Variants in SERPINB8 observed in about 807,000 individuals in gnomAD.
SERPINB8 encodes the protein serpin B8.
In SERPINB8, 25 loss-of-function variants were observed where a neutral mutation model predicts 35.3. The observed-to-expected ratio is 0.71, with a 90% CI of 0.52 to 0.99. SERPINB8 has a LOEUF of 0.99. Ranked by LOEUF, SERPINB8 falls within the 50% of genes least tolerant of loss-of-function variation. The pLI is 0.00. For synonymous variants in SERPINB8, 186 were observed against 160.8 expected (o/e 1.16, Z -1.19); for missense variants, 484 against 446.5 (o/e 1.08, Z -0.76).
At chr18:63,998,268 GACTCAGGCAAC>G (rs1350522120) in intron 1 of SERPINB8, among the ~76,000 whole-genome samples, 6 of 152,114 alleles carry the variant, frequency 3.9e-5, no homozygotes, top group Non-Finnish European at 7.4e-5. Context: ...GTGTTTCCCT[GACTCAGGCAAC>G]ACTCTTCAGT....
At chr18:63,994,062 C>G (rs1456983979), downstream of SERPINB8, among the ~76,000 whole-genome samples, 2 of 152,084 alleles carry the variant, frequency 1.3e-5, no homozygotes, top group Non-Finnish European at 2.9e-5. Context: ...CCATCCCATC[C>G]CTCCTGTCCC....
chr18:63,972,122 T>C (rs1201755459), intron 1 of SERPINB8, among the ~76,000 whole-genome samples: 1 of 152,176 alleles, frequency 6.6e-6, no homozygotes, highest in Non-Finnish European at 1.5e-5. Context: ...GTTTAATAAC[T>C]GGAATATTGT....
chr18:64,010,621 T>C (rs965121610), downstream of SERPINB8, among the ~76,000 whole-genome samples: 2 of 152,106 alleles, frequency 1.3e-5, no homozygotes, highest in Non-Finnish European at 2.9e-5. Context: ...GTTGTACAGC[T>C]TTGGATGGAA....
chr18:63,983,183 A>G (rs2050698976), intron 4 of SERPINB8, among the ~76,000 whole-genome samples: 1 of 152,158 alleles, frequency 6.6e-6, no homozygotes, highest in South Asian at 2.1e-4. Flanking sequence ...TCTGGCTTAA[A>G]ATGACAATAG....
chr18:63,995,313 C>T (rs1402014676), intron 1 of SERPINB8, among the ~76,000 whole-genome samples: 1 of 152,174 alleles, frequency 6.6e-6, no homozygotes, highest in East Asian at 1.9e-4. Context: ...AAGCCCTAGC[C>T]AATGTCAGAG....
At chr18:63,996,485 CCTTTATG>C (rs1171927523) in intron 1 of SERPINB8, among the ~76,000 whole-genome samples, 39 of 152,178 alleles carry the variant, frequency 2.6e-4, no homozygotes, top group Non-Finnish European at 5.4e-4. Context: ...GATCAACTTG[CCTTTATG>C]TGGAATGGGT....
At chr18:63,975,433 C>T (rs913971041) in intron 1 of SERPINB8, among the ~76,000 whole-genome samples, 4 of 152,124 alleles carry the variant, frequency 2.6e-5, no homozygotes, top group Non-Finnish European at 5.9e-5. Context: ...AGTATAAGCT[C>T]TGGAGAGGTC....
rs2050779400 is a variant in SERPINB8 at position 63,987,464 on chromosome 18, A to G, written c.*186A>G. The G allele has an allele frequency of 1.5e-6, 1 of 648,212 alleles. No homozygotes were observed. Among genetic ancestry groups the G allele is most frequent in the Non-Finnish European group, 2.5e-6 (1 of 394,152 alleles). The allele number at this position is 648,212 out of a possible 1,614,324, so 40.2% of individuals were successfully genotyped here. The stretch of plus-strand genomic sequence containing the variant: ...AATAACTGAGGCCGCAGATGCATGA[A>G]ATTTGGGCCTGGGAAGGCTATGCTG... On this transcript the variant is annotated 3_prime_UTR_variant, in exon 7 of 7. Coordinates refer to ENST00000397985, the MANE Select transcript of SERPINB8 (RefSeq NM_002640.4).
At chr18:63,983,383 G>A (rs1935652213) in intron 4 of SERPINB8, among the ~76,000 whole-genome samples, 196 bp from the exon 5 acceptor site, 1 of 152,130 alleles carries the variant, frequency 6.6e-6, no homozygotes, top group Admixed American at 6.5e-5. Flanking sequence ...CCTACTTCAA[G>A]ATTTTTTTCT....
intron 6 of SERPINB8, chr18:63,986,329 A>T (rs1379932982): frequency 2.5e-6 from 4 of 1,604,146 alleles, no homozygotes; most frequent in Middle Eastern, 1.7e-4. Context: ...GATGCTGATG[A>T]AGTCTTCTTG....
chr18:64,008,512 G>T (rs1278636835), downstream of SERPINB8, among the ~76,000 whole-genome samples: 2 of 151,794 alleles, frequency 1.3e-5, no homozygotes, highest in Non-Finnish European at 2.9e-5. Flanking sequence ...GCCTCCCAAA[G>T]TGCTAGGATT....
intron 1 of SERPINB8, among the ~76,000 whole-genome samples, chr18:63,994,621 A>G (rs1386427515): frequency 1.3e-5 from 2 of 152,098 alleles, no homozygotes; most frequent in African/African-American, 4.8e-5. Flanking sequence ...GCTGGGTACT[A>G]CTTGGGCTCC....
At chr18:63,978,497 G>A in intron 2 of SERPINB8, 21 bp downstream of exon 2, 2 of 1,613,024 alleles carry the variant, frequency 1.2e-6, no homozygotes, top group Non-Finnish European at 1.7e-6. Context: ...TTGTCACAAA[G>A]GAAGGAGAAC....
downstream of SERPINB8, among the ~76,000 whole-genome samples, chr18:64,010,666 T>C (rs1049122499): frequency 2.0e-5 from 3 of 152,098 alleles, no homozygotes; most frequent in African/African-American, 7.2e-5. Flanking sequence ...TAATAACAGC[T>C]ACCAACACAA....
chr18:63,978,586 A>G, intron 2 of SERPINB8, 110 bp downstream of exon 2: 1 of 1,269,580 alleles, frequency 7.9e-7, no homozygotes, highest in East Asian at 2.3e-5. Flanking sequence ...CTGGAGGTAG[A>G]AGGAGGAGCA....
chr18:63,975,355 A>G (rs1277702761), intron 1 of SERPINB8, among the ~76,000 whole-genome samples: 1 of 152,162 alleles, frequency 6.6e-6, no homozygotes, highest in Non-Finnish European at 1.5e-5. Flanking sequence ...CGAGTGAAAG[A>G]TGAGGTTGTG....
In SERPINB8 at chr18:63,985,073, A is replaced by G. The variant is rs978111713; in HGVS notation, c.568-20A>G. 4 of 1,612,466 alleles carry G rather than the reference A, an allele frequency of 2.5e-6. No homozygotes were observed. Among genetic ancestry groups the G allele is most frequent in the Non-Finnish European group, 3.4e-6 (4 of 1,178,800 alleles). On this transcript the variant is annotated intron_variant, in intron 5 of 6. Transcript: ENST00000397985. ...AATTATACCCACTTTTCAGTAATCG[A>G]ACTTTAATTTTTCCGTTAGGAAAAA...
At chr18:63,991,071 G>A (rs913177877), downstream of SERPINB8, among the ~76,000 whole-genome samples, 1 of 152,176 alleles carries the variant, frequency 6.6e-6, no homozygotes, top group African/African-American at 2.4e-5. Context: ...GGATTCCATT[G>A]ATCTGCTTGT....
chr18:64,011,142 AG>A (rs1193624586), intron 7 of SERPINB8, among the ~76,000 whole-genome samples: 3 of 152,080 alleles, frequency 2.0e-5, no homozygotes, highest in Non-Finnish European at 4.4e-5. Context: ...CCCTACTAAA[AG>A]ACAAAAATCT....
Sources: allele counts gnomAD v4.1 joint callset (sites outside exome capture counted in the v4.1 genomes callset), GRCh38; gene constraint gnomAD v4.1.1; transcripts MANE v1.5; gene names NCBI Gene and HGNC (gene_info 2026-07-23, HGNC 2026-07-21).